Variants in MARCHF1 observed in about 807,000 individuals in gnomAD.
MARCHF1 encodes E3 ubiquitin-protein ligase MARCHF1.
A neutral mutation model predicts 54.2 loss-of-function variants in MARCHF1; 40 were observed. The ratio of observed to expected loss-of-function variants is 0.74; its 90% CI spans 0.57 to 0.96. MARCHF1 has a LOEUF of 0.96. MARCHF1 is among the 40% of genes least tolerant of loss of function. The pLI is 0.00. For synonymous variants in MARCHF1, 236 were observed against 236.3 expected (o/e 1.00, Z 0.01); for missense variants, 586 against 656.5 (o/e 0.89, Z 1.17).
At chr4:163,736,212 T>C (rs1561049093) in intron 4 of MARCHF1, among the ~76,000 whole-genome samples, 1 of 152,170 alleles carries the variant, frequency 6.6e-6, no homozygotes, top group Non-Finnish European at 1.5e-5. Flanking sequence ...ATTGCCAGTA[T>C]CATTACTCTT....
At chr4:163,660,198 AT>A (rs1291481526) in intron 5 of MARCHF1, among the ~76,000 whole-genome samples, 3 of 152,118 alleles carry the variant, frequency 2.0e-5, no homozygotes, top group African/African-American at 4.8e-5. Flanking sequence ...TGTGGCACAT[AT>A]ATATGAAGGA....
chr4:164,236,558 C>G (rs1732566088), intron 1 of MARCHF1, among the ~76,000 whole-genome samples: 1 of 152,050 alleles, frequency 6.6e-6, no homozygotes, highest in Admixed American at 6.6e-5. Flanking sequence ...CATGCTTGTT[C>G]ACGGCATGAG....
At chr4:164,109,378 T>G (rs916038999) in intron 2 of MARCHF1, among the ~76,000 whole-genome samples, 4 of 152,010 alleles carry the variant, frequency 2.6e-5, no homozygotes, top group Admixed American at 1.3e-4. Flanking sequence ...CTTGAAAATC[T>G]ACACTAATAA....
chr4:164,242,138 G>GGCCT (rs1374088911), intron 1 of MARCHF1, among the ~76,000 whole-genome samples: 1 of 151,784 alleles, frequency 6.6e-6, no homozygotes, highest in Non-Finnish European at 1.5e-5. Flanking sequence ...AGCTCAAGGA[G>GGCCT]GCCTGCCTGC....
At chr4:163,559,848 G>C (rs1739410124) in intron 8 of MARCHF1, among the ~76,000 whole-genome samples, 1 of 152,126 alleles carries the variant, frequency 6.6e-6, no homozygotes, top group Non-Finnish European at 1.5e-5. Flanking sequence ...CAGGACATTT[G>C]TACATATAGG....
At chr4:163,678,358 T>G (rs984695942) in intron 5 of MARCHF1, among the ~76,000 whole-genome samples, 2 of 152,230 alleles carry the variant, frequency 1.3e-5, no homozygotes, top group Non-Finnish European at 2.9e-5. Flanking sequence ...ATAGAATTAA[T>G]TTTGGTATAG....
At chr4:163,860,684 C>T (rs1056665290) in intron 3 of MARCHF1, among the ~76,000 whole-genome samples, 5 of 152,232 alleles carry the variant, frequency 3.3e-5, no homozygotes, top group Non-Finnish European at 7.4e-5. Flanking sequence ...ACCAACAAGG[C>T]TTAAGGTAAA....
intron 4 of MARCHF1, among the ~76,000 whole-genome samples, chr4:163,836,149 A>G (rs1254627202): frequency 6.6e-6 from 1 of 152,154 alleles, no homozygotes; most frequent in African/African-American, 2.4e-5. Flanking sequence ...ACATCTTTCC[A>G]TGTAAGTGGA....
At chr4:163,642,353 C>A (rs1193174980) in intron 5 of MARCHF1, among the ~76,000 whole-genome samples, 1 of 151,958 alleles carries the variant, frequency 6.6e-6, no homozygotes, top group East Asian at 1.9e-4. Flanking sequence ...TTTAAGTTCC[C>A]CCTGATTTTA....
intron 4 of MARCHF1, among the ~76,000 whole-genome samples, chr4:163,832,518 A>G (rs1395749097): frequency 6.6e-6 from 1 of 151,896 alleles, no homozygotes; most frequent in Non-Finnish European, 1.5e-5. Flanking sequence ...AAGGTCTAGT[A>G]AAAACTCTAA....
chr4:163,942,995 C>T (rs1751947019), intron 3 of MARCHF1, among the ~76,000 whole-genome samples: 3 of 150,116 alleles, frequency 2.0e-5, no homozygotes, highest in African/African-American at 7.3e-5. Flanking sequence ...GCATGTATGT[C>T]TTCTTTTGAA....
intron 4 of MARCHF1, among the ~76,000 whole-genome samples, chr4:163,730,197 T>C (rs1440640884): frequency 1.3e-5 from 2 of 152,184 alleles, no homozygotes; most frequent in African/African-American, 4.8e-5. Context: ...AATTTTTTCG[T>C]TTTAGTTATT....
At chr4:163,791,638 A>C (rs543223547) in intron 4 of MARCHF1, among the ~76,000 whole-genome samples, 1 of 152,146 alleles carries the variant, frequency 6.6e-6, no homozygotes, top group African/African-American at 2.4e-5. Flanking sequence ...TACAAAAACA[A>C]ATGTATTCAC....
chr4:164,176,183 T>G (rs1010903412), intron 1 of MARCHF1, among the ~76,000 whole-genome samples: 1 of 152,176 alleles, frequency 6.6e-6, no homozygotes, highest in African/African-American at 2.4e-5. Context: ...CTCAAACCTT[T>G]ACAGTTACTA....
chr4:164,177,786 C>T (rs772046600), intron 1 of MARCHF1, among the ~76,000 whole-genome samples: 9 of 146,404 alleles, frequency 6.1e-5, no homozygotes, highest in Non-Finnish European at 1.2e-4. Flanking sequence ...CTCTCTCAAT[C>T]TCAGTGTGTG....
chr4:163,815,956 A>G (rs981801452), intron 4 of MARCHF1, among the ~76,000 whole-genome samples: 12 of 152,188 alleles, frequency 7.9e-5, no homozygotes, highest in African/African-American at 2.7e-4. Flanking sequence ...AGTAAATACT[A>G]TCTCCAAGTA....
At chr4:163,885,262 A>G (rs1750500787) in intron 3 of MARCHF1, among the ~76,000 whole-genome samples, 1 of 152,176 alleles carries the variant, frequency 6.6e-6, no homozygotes, top group South Asian at 2.1e-4. Flanking sequence ...CACCTTTAGC[A>G]TGTCTCAACC....
intron 3 of MARCHF1, among the ~76,000 whole-genome samples, chr4:163,891,606 G>A (rs1311944258): frequency 6.6e-6 from 1 of 152,040 alleles, no homozygotes; most frequent in Non-Finnish European, 1.5e-5. Context: ...AGAAAAAGGA[G>A]CTTTCTGATG....
intron 1 of MARCHF1, among the ~76,000 whole-genome samples, chr4:164,203,284 G>C (rs899126016): frequency 6.6e-6 from 1 of 151,898 alleles, no homozygotes; most frequent in Non-Finnish European, 1.5e-5. Flanking sequence ...GAAAGAGAGG[G>C]ATAGGGGTGT....
Sources: gnomAD v4.1 joint callset for allele counts (sites outside exome capture counted in the v4.1 genomes callset) on GRCh38, gnomAD v4.1.1 for gene constraint, MANE v1.5 for transcripts, NCBI Gene and HGNC (gene_info 2026-07-23, HGNC 2026-07-21) for gene names.